KCNJ15: variants seen among roughly 807,000 people sequenced by gnomAD.
KCNJ15 encodes potassium inwardly rectifying channel subfamily J member 15.
Under a neutral mutation model 23.0 loss-of-function variants are expected in KCNJ15, and 14 were observed. That is an observed-to-expected ratio of 0.61 (90% CI 0.40 to 0.95). The LOEUF (loss-of-function observed/expected upper bound fraction) is 0.95. Among genes scored for constraint, KCNJ15 ranks in the 40% least tolerant of loss-of-function variants. The pLI, the probability that KCNJ15 is intolerant of heterozygous loss-of-function variation, is 0.00. For synonymous variants in KCNJ15, 185 were observed against 183.2 expected, an observed-to-expected ratio of 1.01 and a Z score of -0.08; for missense variants, 388 against 461.8, an observed-to-expected ratio of 0.84 and a Z score of 1.46.
chr21:38,300,394 AG>A lies in KCNJ15; in HGVS notation c.*9del. Reference sequence around the variant, plus strand: ...TTACAACAGAGCAATGTCTGATCACAGGGGCGCCATCCAGGTTTAACCCTGC... The same window carrying A: ...TTACAACAGAGCAATGTCTGATCACAGGGCGCCATCCAGGTTTAACCCTGC... On this transcript the variant is annotated 3_prime_UTR_variant, in exon 3 of 3. Transcript: ENST00000398938. 3 of 1,592,112 alleles carry A rather than the reference AG, an allele frequency of 1.9e-6. No individual in the cohort carries two copies. The highest frequency in any genetic ancestry group is 1.1e-5 in the South Asian group (1 of 88,056).
chr21:38,269,311 G>GC (rs1337372933), intron 1 of KCNJ15, among the ~76,000 whole-genome samples: 1 of 152,026 alleles, frequency 6.6e-6, no homozygotes, highest in Non-Finnish European at 1.5e-5. Flanking sequence ...AAACTTTCAA[G>GC]CTTTTTTTTT....
intron 1 of KCNJ15, among the ~76,000 whole-genome samples, chr21:38,232,499 T>C (rs1978342658): frequency 6.6e-6 from 1 of 151,854 alleles, no homozygotes; most frequent in Non-Finnish European, 1.5e-5. Flanking sequence ...TTAGGTTTCA[T>C]TTTCTCTTAT....
At chr21:38,295,553 T>C (rs1245864336) in intron 1 of KCNJ15, among the ~76,000 whole-genome samples, 5 of 152,190 alleles carry the variant, frequency 3.3e-5, no homozygotes, top group Non-Finnish European at 4.4e-5. Flanking sequence ...TGCACTTTTT[T>C]TTTTAATGGG....
intron 1 of KCNJ15, among the ~76,000 whole-genome samples, chr21:38,244,045 CT>C (rs1979194559): frequency 6.6e-6 from 1 of 151,996 alleles, no homozygotes; most frequent in Non-Finnish European, 1.5e-5. Context: ...AAGCTTGGGT[CT>C]TTATTTCATT....
chr21:38,267,305 T>G (rs1981563784), intron 1 of KCNJ15: 1 of 152,132 alleles, frequency 6.6e-6, no homozygotes, highest in Non-Finnish European at 1.5e-5. Context: ...CCAGGAGATG[T>G]TGGAAACAGA....
chr21:38,273,147 ATAGT>A (rs1982281239), intron 1 of KCNJ15, among the ~76,000 whole-genome samples: 1 of 152,220 alleles, frequency 6.6e-6, no homozygotes, highest in Non-Finnish European at 1.5e-5. Flanking sequence ...AAGATTATAT[ATAGT>A]ATTATTCAAA....
upstream of KCNJ15, among the ~76,000 whole-genome samples, chr21:38,255,610 CACTGGGAAA>C (rs538345987): frequency 3.9e-5 from 6 of 152,260 alleles, no homozygotes; most frequent in South Asian, 1.2e-3. Flanking sequence ...ATACCATCTC[CACTGGGAAA>C]ACAGAAATGG....
chr21:38,252,884 T>C (rs2123584121), upstream of KCNJ15, among the ~76,000 whole-genome samples: 1 of 152,320 alleles, frequency 6.6e-6, no homozygotes, highest in South Asian at 2.1e-4. Context: ...TCTCTGTGTG[T>C]ATTAATTTTA....
intron 1 of KCNJ15, among the ~76,000 whole-genome samples, chr21:38,243,334 C>T (rs1979137458): frequency 6.6e-6 from 1 of 152,100 alleles, no homozygotes; most frequent in African/African-American, 2.4e-5. Context: ...CCCCAGAAAG[C>T]CTGTTTCAAA....
Position 38,299,164 on chromosome 21 carries a change from C to A in KCNJ15, c.-18-80C>A. On this transcript the variant is annotated intron_variant, in intron 2 of 2. Coordinates refer to ENST00000398938, the MANE Select transcript of KCNJ15 (RefSeq NM_170736.3). This position sits in a 1 kb window ranked among gnomAD's most constrained non-coding sequence, Gnocchi z 4.5. Reference sequence around the variant, plus strand: ...TTGTGTACTTCCATGTACATTCATACTTACTTCACATGATGATTCTATTTT... The same window carrying A: ...TTGTGTACTTCCATGTACATTCATAATTACTTCACATGATGATTCTATTTT... The A allele has an allele frequency of 9.3e-7, 1 of 1,077,450 alleles. No homozygotes were observed. Among genetic ancestry groups the A allele is most frequent in the Non-Finnish European group, 1.4e-6 (1 of 731,786 alleles). The allele number at this position is 1,077,450 out of a possible 1,614,324, so 66.7% of individuals were successfully genotyped here.
At position 38,233,610 on chromosome 21, in the gene KCNJ15, C is replaced by G. The variant is rs1453169346; in HGVS notation, c.-398-23436C>G. On this transcript the variant is annotated intron_variant, in intron 1 of 4. Transcript: ENST00000547341. Reference sequence around the variant, plus strand: ...TTTTAGCTGTTTTCTTAGTGGTTGCCCTAGGGCTGTGTAGACTGACTAAGA... The same window carrying G: ...TTTTAGCTGTTTTCTTAGTGGTTGCGCTAGGGCTGTGTAGACTGACTAAGA... 2.0e-5 allele frequency among the ~76,000 whole-genome samples: 3 copies of G among 151,060 alleles called. No individual in the cohort carries two copies. The East Asian group carries it at 5.8e-4, about 29-fold the overall frequency.
At chr21:38,240,085 A>G (rs924853895) in intron 1 of KCNJ15, among the ~76,000 whole-genome samples, 1 of 152,092 alleles carries the variant, frequency 6.6e-6, no homozygotes, top group African/African-American at 2.4e-5. Context: ...ACTTAAATTT[A>G]TGGGTTCTTT....
In KCNJ15 at chr21:38,305,586, G is replaced by A. The variant is rs1050891168; in HGVS notation, c.*5197G>A. ...TAGGGCTGCCAGGCACTCTGTATGT[G>A]CAGAATATGTCCTATATGGAGTAAT... On this transcript the variant is annotated 3_prime_UTR_variant, in exon 3 of 3. Transcript: ENST00000398938. The A allele has an allele frequency of 6.6e-6, 1 of 152,222 alleles. No individual in the cohort carries two copies. The highest frequency in any genetic ancestry group is 2.1e-4 in the South Asian group (1 of 4,834). 9.4% of individuals were successfully genotyped at this position (152,222 alleles called of 1,614,324 possible).
In KCNJ15 at chr21:38,250,314, T is replaced by C. The variant is rs114412493; in HGVS notation, c.-398-6732T>C. On this transcript the variant is annotated intron_variant, in intron 1 of 4. Transcript: ENST00000547341. ...AATCAGGGTTTGAATGACATTCTTC[T>C]CTGTGGATATTAGAGGGATAAACTG... 4.7e-3 allele frequency among the ~76,000 whole-genome samples: 714 copies of C among 152,342 alleles called. 7 individuals are homozygous for C. The highest frequency in any genetic ancestry group is 0.016 in the African/African-American group (673 of 41,582).
chr21:38,295,221 T>C (rs1374782190), intron 1 of KCNJ15, among the ~76,000 whole-genome samples: 1 of 152,240 alleles, frequency 6.6e-6, no homozygotes, highest in Admixed American at 6.5e-5. Context: ...ATTTAGAGCA[T>C]TCTGCTTTTA....
At chr21:38,253,641 G>A (rs1979986082), upstream of KCNJ15, among the ~76,000 whole-genome samples, 1 of 151,974 alleles carries the variant, frequency 6.6e-6, no homozygotes, top group African/African-American at 2.4e-5. Flanking sequence ...ACACTTTAAG[G>A]TTTTTTATGT....
At chr21:38,281,358 T>C (rs761033144) in intron 1 of KCNJ15, among the ~76,000 whole-genome samples, 2 of 152,194 alleles carry the variant, frequency 1.3e-5, no homozygotes, top group African/African-American at 2.4e-5. Context: ...TGCCGAGGTT[T>C]GGTGTATAAA....
At chr21:38,254,677 C>T (rs1980067320), upstream of KCNJ15, among the ~76,000 whole-genome samples, 1 of 152,098 alleles carries the variant, frequency 6.6e-6, no homozygotes, top group Non-Finnish European at 1.5e-5. Context: ...GTGAAAAGAG[C>T]TGTTTTGAGC....
rs1427736189 is a variant in KCNJ15, at chr21:38,302,144, G to T, written c.*1755G>T. On this transcript the variant is annotated 3_prime_UTR_variant, in exon 3 of 3. Coordinates refer to ENST00000398938, the MANE Select transcript of KCNJ15 (RefSeq NM_170736.3). Reference sequence around the variant, plus strand: ...TAGTCATCAGTGAAAGACATTTGAGGTTAAGACAGCAAGTCCTTGACAAAT... The same window carrying T: ...TAGTCATCAGTGAAAGACATTTGAGTTTAAGACAGCAAGTCCTTGACAAAT... The T allele has an allele frequency of 1.3e-5, 2 of 152,208 alleles. No homozygotes were observed. Among genetic ancestry groups the T allele is most frequent in the Non-Finnish European group, 2.9e-5 (2 of 68,038 alleles). The allele number at this position is 152,208 out of a possible 1,614,324, so 9.4% of individuals were successfully genotyped here. A position where few individuals can be genotyped will look rare whatever the true frequency, so the allele number is the denominator to read the frequency against.
Sources: allele counts gnomAD v4.1 joint callset (sites outside exome capture counted in the v4.1 genomes callset), GRCh38; gene constraint gnomAD v4.1.1; non-coding constraint Gnocchi (gnomAD v3.1); transcripts MANE v1.5; gene names NCBI Gene and HGNC (gene_info 2026-07-23, HGNC 2026-07-21).